AKT3: variants seen among roughly 807,000 people sequenced by gnomAD.
The protein encoded by AKT3 is AKT serine/threonine kinase 3, also known as RAC-gamma serine/threonine-protein kinase.
Under a neutral mutation model 65.3 loss-of-function variants are expected in AKT3, and 15 were observed. That is an observed-to-expected ratio of 0.23 (90% CI 0.15 to 0.35). The LOEUF (loss-of-function observed/expected upper bound fraction) is 0.35. Among genes scored for constraint, AKT3 ranks in the 10% least tolerant of loss-of-function variants. AKT3 has a pLI of 1.00. For missense variants in AKT3, 243 were observed against 576.5 expected (o/e 0.42, Z 5.92); for synonymous variants, 206 against 183.8 (o/e 1.12, Z -0.98).
At chr1:243,796,053 C>T (rs1324195429) in intron 2 of AKT3, among the ~76,000 whole-genome samples, 2 of 152,072 alleles carry the variant, frequency 1.3e-5, no homozygotes, top group Non-Finnish European at 1.5e-5. Flanking sequence ...TTGGGAGCTT[C>T]GGACAAACAC....
At chr1:243,588,006 A>C (rs1042372849) in intron 8 of AKT3, among the ~76,000 whole-genome samples, 5 of 152,186 alleles carry the variant, frequency 3.3e-5, no homozygotes, top group Non-Finnish European at 5.9e-5. Flanking sequence ...GTTACAACAG[A>C]AACAAATGAG....
chr1:243,499,576 G>A, downstream of AKT3: 1 of 646,794 alleles, frequency 1.5e-6, no homozygotes, highest in Admixed American at 2.4e-5. Flanking sequence ...CATATGTGAA[G>A]GGCTTTGATG....
intron 6 of AKT3, 106 bp from the exon 7 acceptor site, chr1:243,615,267 G>A: frequency 6.1e-6 from 5 of 824,256 alleles, no homozygotes; most frequent in Non-Finnish European, 9.2e-6. Context: ...AGATTGAAAA[G>A]GATTTTAAAA....
chr1:243,714,842 T>C (rs1247064060), intron 2 of AKT3, among the ~76,000 whole-genome samples: 2 of 152,120 alleles, frequency 1.3e-5, no homozygotes, highest in Non-Finnish European at 2.9e-5. Flanking sequence ...TATCAAAATA[T>C]ATAGGGAACA....
chr1:243,725,437 A>G (rs1256477377), intron 2 of AKT3, among the ~76,000 whole-genome samples: 1 of 152,126 alleles, frequency 6.6e-6, no homozygotes, highest in African/African-American at 2.4e-5. Flanking sequence ...ATGCAGGAAA[A>G]AAAATTATAA....
chr1:243,798,209 T>C (rs1291158124), intron 2 of AKT3, among the ~76,000 whole-genome samples: 6 of 9,998 alleles, frequency 6.0e-4, no homozygotes, highest in Non-Finnish European at 1.7e-3. Flanking sequence ...GCCAGGCCCT[T>C]TTTTTTTTTT....
intron 10 of AKT3, among the ~76,000 whole-genome samples, chr1:243,557,189 T>C (rs563525398): frequency 6.6e-6 from 1 of 152,270 alleles, no homozygotes; most frequent in African/African-American, 2.4e-5. Flanking sequence ...GAAATTTCTA[T>C]ACTTCTTTTT....
chr1:243,726,432 C>A (rs1687214567), intron 2 of AKT3, among the ~76,000 whole-genome samples: 2 of 152,070 alleles, frequency 1.3e-5, no homozygotes, highest in South Asian at 4.1e-4. Context: ...AAAGTGAACT[C>A]AATTAATGCA....
In AKT3 at chr1:243,843,658, T is replaced by G. The variant is rs571772181; in HGVS notation, c.-112-376A>C. ...TCAGAAGCAATTGTAAATTTTTTGTTTTTTTTTTTTTTGAAACGGAATCTC... is the reference window on the plus strand; with the variant it reads ...TCAGAAGCAATTGTAAATTTTTTGTGTTTTTTTTTTTTGAAACGGAATCTC... On this transcript the variant is annotated intron_variant, in intron 1 of 13. Transcript: ENST00000673466. 20 of 789,884 alleles carry G rather than the reference T, an allele frequency of 2.5e-5. No individual in the cohort carries two copies. In the Admixed American group the frequency reaches 3.8e-4, roughly 15 times the overall value. 48.9% of individuals were successfully genotyped at this position (789,884 alleles called of 1,614,324 possible). A position where few individuals can be genotyped will look rare whatever the true frequency, so the allele number is the denominator to read the frequency against.
Position 243,747,647 on chromosome 1 carries a change from G to A in AKT3, c.47-51931C>T, listed in dbSNP as rs2148197539. On this transcript the variant is annotated intron_variant, in intron 2 of 13. Transcript: ENST00000673466. ...ATATCTTCAATGAACAGACCAAAAT[G>A]TCACCTAACAACATGCTTAGTAAAT... is the stretch of plus-strand genomic sequence containing the variant. Among the ~76,000 whole-genome samples, 2 of 152,224 alleles carry A rather than the reference G, an allele frequency of 1.3e-5. 1 individual carries two copies. Among genetic ancestry groups the A allele is most frequent in the South Asian group, 4.2e-4 (2 of 4,818 alleles).
At chr1:243,764,062 T>C (rs1401973546) in intron 2 of AKT3, among the ~76,000 whole-genome samples, 1 of 152,058 alleles carries the variant, frequency 6.6e-6, no homozygotes, top group East Asian at 1.9e-4. Context: ...GACAGAAAAT[T>C]TGGGGCTTAT....
At chr1:243,682,987 T>C (rs982532971) in intron 3 of AKT3, among the ~76,000 whole-genome samples, 4 of 152,256 alleles carry the variant, frequency 2.6e-5, no homozygotes, top group Non-Finnish European at 5.9e-5. Flanking sequence ...ATCCCAAGGG[T>C]CTGTGGCATA....
intron 2 of AKT3, among the ~76,000 whole-genome samples, chr1:243,772,103 C>A (rs1156271904): frequency 1.3e-5 from 2 of 152,168 alleles, no homozygotes; most frequent in Admixed American, 1.3e-4. Flanking sequence ...AAAACCTGGG[C>A]AATACCATTC....
chr1:243,693,997 C>A (rs995085817), intron 3 of AKT3, among the ~76,000 whole-genome samples: 2 of 152,092 alleles, frequency 1.3e-5, no homozygotes, highest in Non-Finnish European at 2.9e-5. Flanking sequence ...CCCAAGAGTG[C>A]AGCATTTATT....
intron 13 of AKT3, among the ~76,000 whole-genome samples, chr1:243,490,348 C>T (rs78319361): frequency 0.023 from 3,496 of 152,334 alleles, 128 homozygotes; most frequent in African/African-American, 0.08. Flanking sequence ...AAAGTCCGAG[C>T]CACAGCCGCA....
intron 12 of AKT3, among the ~76,000 whole-genome samples, chr1:243,540,797 T>C (rs1398921011): frequency 6.6e-6 from 1 of 152,176 alleles, no homozygotes; most frequent in East Asian, 1.9e-4. Flanking sequence ...TTGCCTATCA[T>C]GAGGCTAACA....
Position 243,489,149 on chromosome 1 carries a change from C to G in AKT3, c.*7-699G>C, listed in dbSNP as rs531433747. The G allele has an allele frequency of 1.9e-6, 3 of 1,611,438 alleles. No individual in the cohort carries two copies. Among genetic ancestry groups the G allele is most frequent in the African/African-American group, 2.7e-5 (2 of 75,008 alleles). On this transcript the variant is annotated intron_variant, in intron 13 of 13. Coordinates refer to the AKT3 transcript ENST00000336199. ...ACCGGCTGCGGACCCAGGTACTGTG[C>G]AGAACGCGGCGCAGGTGGGAGTCCT...
chr1:243,489,767 C>CA (rs1423721354), intron 13 of AKT3, among the ~76,000 whole-genome samples: 2 of 152,162 alleles, frequency 1.3e-5, no homozygotes, highest in Non-Finnish European at 2.9e-5. Context: ...TTACAGCTGG[C>CA]AAGTAGGGAC....
intron 8 of AKT3, among the ~76,000 whole-genome samples, chr1:243,598,667 C>G (rs1676801224): frequency 6.6e-6 from 1 of 152,208 alleles, no homozygotes; most frequent in Non-Finnish European, 1.5e-5. Flanking sequence ...AGGCTTCTCT[C>G]ATCAGAGCAC....
Sources: allele counts gnomAD v4.1 joint callset (sites outside exome capture counted in the v4.1 genomes callset), GRCh38; gene constraint gnomAD v4.1.1; transcripts MANE v1.5; gene names NCBI Gene and HGNC (gene_info 2026-07-23, HGNC 2026-07-21).